Variants in DNAAF3 observed in about 807,000 individuals in gnomAD.
DNAAF3 encodes UPF0470 protein C19orf51.
Under a neutral mutation model 50.9 loss-of-function variants are expected in DNAAF3, and 40 were observed. That is an observed-to-expected ratio of 0.79 (90% confidence interval 0.61 to 1.02). The LOEUF (loss-of-function observed/expected upper bound fraction) is 1.02. Ranked by LOEUF, DNAAF3 falls within the 50% of genes least tolerant of loss-of-function variation. The pLI is 0.00. For missense variants in DNAAF3, 763 were observed against 744.7 expected, an observed-to-expected ratio of 1.02 and a Z score of -0.29; for synonymous variants, 327 against 322.8, an observed-to-expected ratio of 1.01 and a Z score of -0.14.
In DNAAF3 at chr19:55,162,293, AC is replaced by A. The variant is rs201986299; in HGVS notation, c.323-4del. Reference sequence around the variant, plus strand: ...TTCCAGGAAGGTCTCGCTTCGCTCTACGGAGAGAGGGAGATAATTGCGGGAA... The same window carrying A: ...TTCCAGGAAGGTCTCGCTTCGCTCTAGGAGAGAGGGAGATAATTGCGGGAA... On this transcript the variant is annotated splice_region_variant and splice_polypyrimidine_tract_variant and intron_variant, in intron 4 of 11. Transcript: ENST00000524407. 1,249 of 1,249,968 alleles carry A rather than the reference AC, an allele frequency of 1.0e-3. 11 individuals carry two copies. The African/African-American group carries it at 0.017, about 17-fold the overall frequency. 77.4% of individuals were successfully genotyped at this position (1,249,968 alleles called of 1,614,324 possible).
Position 55,160,657 on chromosome 19 carries a change from G to T in DNAAF3, c.1031C>A (p.Pro344Gln). Residue 344 changes from proline (P) to glutamine (Q), a missense_variant, in exon 9 of 12, where the codon CCG (proline) becomes CAG (glutamine). Transcript: ENST00000524407. The surrounding 1 kb of genome is among the most constrained non-coding windows in gnomAD (Gnocchi z 4.7). The stretch of plus-strand genomic sequence containing the variant: ...TGGCTTACCTGGAGTCCCTGGCTCC[G>T]GGCTTCCCTCCGCGTGCTGCTGCTC... ...LEEQQHAEGS[P>Q]EPGTPAAPTP... 3 of 1,613,868 alleles carry T rather than the reference G, an allele frequency of 1.9e-6. No homozygotes were observed. Among genetic ancestry groups the T allele is most frequent in the Non-Finnish European group, 1.7e-6 (2 of 1,179,946 alleles).
Position 55,158,832 on chromosome 19 carries a change from G to T in DNAAF3, c.*230C>A. The T allele has an allele frequency of 2.0e-6, 1 of 490,006 alleles. No homozygotes were observed. Among genetic ancestry groups the T allele is most frequent in the Non-Finnish European group, 3.5e-6 (1 of 285,082 alleles). The allele number at this position is 490,006 out of a possible 1,614,324, so 30.4% of individuals were successfully genotyped here. On this transcript the variant is annotated 3_prime_UTR_variant, in exon 12 of 12. Transcript: ENST00000524407. The stretch of plus-strand genomic sequence containing the variant: ...GGCTGGGCTTAGAGCCTCAGAAGTG[G>T]AATTTGGAATTCTGAGAGAACAATC...
At chr19:55,164,538 T>C (rs1014612747) in intron 4 of DNAAF3, among the ~76,000 whole-genome samples, 10 of 152,118 alleles carry the variant, frequency 6.6e-5, no homozygotes, top group Non-Finnish European at 1.3e-4. Flanking sequence ...TTTCTTTTTT[T>C]TTTAGATGGA....
intron 11 of DNAAF3, 28 bp downstream of exon 11, chr19:55,159,505 T>C (rs1743536626): frequency 3.1e-6 from 5 of 1,598,648 alleles, no homozygotes; most frequent in Non-Finnish European, 4.3e-6. Flanking sequence ...AGCCAGGATG[T>C]TCCCCACCCT....
intron 11 of DNAAF3, 21 bp from the exon 12 acceptor site, chr19:55,159,470 G>T (rs777175999): frequency 6.2e-7 from 1 of 1,609,212 alleles, no homozygotes; most frequent in Admixed American, 1.7e-5. Context: ...GAAGCGCCCT[G>T]TCAGGGACCC....
At chr19:55,164,977 G>A (rs893588221) in intron 4 of DNAAF3, among the ~76,000 whole-genome samples, 1 of 150,460 alleles carries the variant, frequency 6.6e-6, no homozygotes, top group African/African-American at 2.4e-5. Context: ...GTACCACACT[G>A]GAAAATACCA....
At position 55,160,064 on chromosome 19, in the gene DNAAF3, C is replaced by T. The variant is rs373485523; in HGVS notation, c.1049-51G>A. The T allele has an allele frequency of 3.4e-5, 44 of 1,308,414 alleles. No homozygotes were observed. Among genetic ancestry groups the T allele is most frequent in the South Asian group, 1.3e-4 (11 of 84,292 alleles). 81.1% of individuals were successfully genotyped at this position (1,308,414 alleles called of 1,614,324 possible). The stretch of plus-strand genomic sequence containing the variant: ...CCTCTGACAGGCGGAGCCATAAGGG[C>T]GGAAAACCAGAGAGATACACAGAGC... On this transcript the variant is annotated intron_variant, in intron 9 of 11. Transcript: ENST00000524407. This position sits in a 1 kb window ranked among gnomAD's most constrained non-coding sequence, Gnocchi z 4.7.
Position 55,159,544 on chromosome 19 carries a change from C to T in DNAAF3, c.1227G>A (p.Val409=), listed in dbSNP as rs369064646. 41 of 1,599,504 alleles carry T rather than the reference C, an allele frequency of 2.6e-5. No homozygotes were observed. The highest frequency in any genetic ancestry group is 3.3e-5 in the Non-Finnish European group (39 of 1,172,286). ...CCCCACTGACTCACCGGGCTAATTC[C>T]ACAATCAAGTTCCCTCCGGGTGCCA... ...ACVAPGGNLI[V]ELARYLVDVR... is the part of the protein sequence containing the mutation. The change falls in exon 11 of 12, where the codon GTG becomes GTA. Residue 409 remains valine (V), a synonymous_variant. Transcript: ENST00000524407.
At position 55,160,974 on chromosome 19, in the gene DNAAF3, CTGGGGGCGGGGCCTGCTG is replaced by C. The variant is rs2085816696; in HGVS notation, c.912+73_912+90del. On this transcript the variant is annotated intron_variant, in intron 8 of 11. Transcript: ENST00000524407. The surrounding 1 kb of genome is among the most constrained non-coding windows in gnomAD (Gnocchi z 4.7). ...ACCAAGCGACGGGCGGGGTCTGGAG[CTGGGGGCGGGGCCTGCTG>C]TGGGGGCGGGGCCTTGCGCACCCAC... 3 of 1,463,498 alleles carry C rather than the reference CTGGGGGCGGGGCCTGCTG, an allele frequency of 2.0e-6. No individual in the cohort carries two copies. The highest frequency in any genetic ancestry group is 1.4e-5 in the African/African-American group (1 of 70,426). 90.7% of individuals were successfully genotyped at this position (1,463,498 alleles called of 1,614,324 possible). A position where few individuals can be genotyped will look rare whatever the true frequency, so the allele number is the denominator to read the frequency against.
chr19:55,162,249 G>A lies in DNAAF3; in HGVS notation c.364C>T (p.Leu122=). ...TFLEVWGNAL[L]RPPVAAFVRA... The stretch of plus-strand genomic sequence containing the variant: ...ACGAAGGCGGCCACTGGCGGGCGCA[G>A]CAGCGCGTTCCCCCACACTTCCAGG... Residue 122 remains leucine (L), a synonymous_variant, in exon 5 of 12, where the codon CTG becomes TTG. Coordinates refer to ENST00000524407, the MANE Select transcript of DNAAF3 (RefSeq NM_001256715.2). The A allele has an allele frequency of 8.0e-7, 1 of 1,249,740 alleles. No individual in the cohort carries two copies. Among genetic ancestry groups the A allele is most frequent in the East Asian group, 3.2e-5 (1 of 31,706 alleles). 77.4% of individuals were successfully genotyped at this position (1,249,740 alleles called of 1,614,324 possible).
At chr19:55,162,530 G>A (rs1444256812) in intron 4 of DNAAF3, 2 of 822,404 alleles carry the variant, frequency 2.4e-6, no homozygotes, top group Non-Finnish European at 3.1e-6. Context: ...AGGTTGCAAT[G>A]GGCCGAGATC....
At position 55,161,672 on chromosome 19, in the gene DNAAF3, C is replaced by G; in HGVS notation, c.634G>C (p.Asp212His). Reference sequence around the variant, plus strand: ...CGGTCATGCAGCTTCATGCGCAGGTCCCAGTCGCTGACACCGCGCCGGGCG... The same window carrying G: ...CGGTCATGCAGCTTCATGCGCAGGTGCCAGTCGCTGACACCGCGCCGGGCG... The part of the protein sequence containing the change: ...YDARRGVSDW[D>H]LRMKLHDRGA... The change falls in exon 6 of 12, where the codon GAC becomes CAC. Residue 212 changes from aspartate to histidine, a missense_variant. Coordinates refer to ENST00000524407, the MANE Select transcript of DNAAF3 (RefSeq NM_001256715.2). This position sits in a 1 kb window ranked among gnomAD's most constrained non-coding sequence, Gnocchi z 6.4. 1 of 1,539,622 alleles carries G rather than the reference C, an allele frequency of 6.5e-7. No homozygotes were observed.
chr19:55,159,637 T>G (rs370632397), intron 10 of DNAAF3, 30 bp from the exon 11 acceptor site: 2 of 1,612,206 alleles, frequency 1.2e-6, no homozygotes, highest in Admixed American at 1.7e-5. Flanking sequence ...CAGGCTGAGA[T>G]TCAGCTCCAA....
At position 55,161,245 on chromosome 19, in the gene DNAAF3, A is replaced by T. The variant is rs373482909; in HGVS notation, c.789+48T>A. The T allele has an allele frequency of 5.6e-6, 9 of 1,597,196 alleles. No individual in the cohort carries two copies. The African/African-American group carries it at 8.0e-5, about 14-fold the overall frequency. ...GTCGATGTTGGGGCCCCTGACTCCT[A>T]GGACTCCGAGCAGCAGCAGTGGGCC... On this transcript the variant is annotated intron_variant, in intron 7 of 11. Coordinates refer to ENST00000524407, the MANE Select transcript of DNAAF3 (RefSeq NM_001256715.2). The surrounding 1 kb of genome is among the most constrained non-coding windows in gnomAD (Gnocchi z 6.4).
rs1310184086 is a variant in DNAAF3 at position 55,166,431 on chromosome 19, A to C, written c.-4-14T>G. ...GTGGTCATCACCCTGCGGAAAAGACATTCTGGGAATCGCACACATTGCCCG... is the reference window on the plus strand; with the variant it reads ...GTGGTCATCACCCTGCGGAAAAGACCTTCTGGGAATCGCACACATTGCCCG... On this transcript the variant is annotated splice_polypyrimidine_tract_variant and intron_variant, in intron 1 of 11. Transcript: ENST00000524407. This position sits in a 1 kb window ranked among gnomAD's most constrained non-coding sequence, Gnocchi z 4.0. The C allele has an allele frequency of 1.2e-6, 2 of 1,613,798 alleles. No individual in the cohort carries two copies. The highest frequency in any genetic ancestry group is 8.5e-7 in the Non-Finnish European group (1 of 1,179,872).
At chr19:55,164,880 G>A (rs985689908) in intron 4 of DNAAF3, among the ~76,000 whole-genome samples, 5 of 152,094 alleles carry the variant, frequency 3.3e-5, no homozygotes. Flanking sequence ...CATTTTACAG[G>A]TAGGAGGAGC....
intron 4 of DNAAF3, chr19:55,162,571 G>A (rs1453114777): frequency 4.2e-6 from 4 of 959,238 alleles, no homozygotes; most frequent in Admixed American, 5.3e-5. Flanking sequence ...GGGCAACAGA[G>A]TGAGACTCCG....
chr19:55,160,800 GA>G lies in DNAAF3; in HGVS notation c.913-26del. 6.2e-7 allele frequency: 1 copy of G among 1,600,724 alleles called. No homozygotes were observed. Among genetic ancestry groups the G allele is most frequent in the African/African-American group, 1.3e-5 (1 of 74,784 alleles). On this transcript the variant is annotated intron_variant, in intron 8 of 11. Transcript: ENST00000524407. The surrounding 1 kb of genome is among the most constrained non-coding windows in gnomAD (Gnocchi z 4.7). The stretch of plus-strand genomic sequence containing the variant: ...TCTAACAGTAGAAGGGGCGTGGCCA[GA>G]CGTCGGGGCCAGGATGGCGGGGCGG...
Position 55,159,380 on chromosome 19 carries a change from T to C in DNAAF3, c.1308A>G (p.Ala436=). The change falls in exon 12 of 12, where the codon GCA becomes GCG. Residue 436 remains alanine (A), a synonymous_variant. Coordinates refer to ENST00000524407, the MANE Select transcript of DNAAF3 (RefSeq NM_001256715.2). ...FNTRVRELAQ[A]AGFAPQTGAR... The stretch of plus-strand genomic sequence containing the variant: ...CCCCGGTCTGTGGAGCAAATCCAGC[T>C]GCCTGAGCTAGCTCCCTGACCCGGG... 6.2e-7 allele frequency: 1 copy of C among 1,614,156 alleles called. No individual in the cohort carries two copies. The highest frequency in any genetic ancestry group is 8.5e-7 in the Non-Finnish European group (1 of 1,180,032).
Sources: gnomAD v4.1 joint callset for allele counts (sites outside exome capture counted in the v4.1 genomes callset) on GRCh38, gnomAD v4.1.1 for gene constraint, Gnocchi (gnomAD v3.1) non-coding constraint, MANE v1.5 for transcripts, NCBI Gene and HGNC (gene_info 2026-07-23, HGNC 2026-07-21) for gene names.